TFPI: variants seen among roughly 807,000 people sequenced by gnomAD.
TFPI encodes the protein tissue factor pathway inhibitor.
TFPI carries 15 observed loss-of-function variants against 34.6 expected under a neutral mutation model. That is an observed-to-expected ratio of 0.43 (90% CI 0.29 to 0.67). TFPI has a LOEUF of 0.67. Among genes scored for constraint, TFPI ranks in the 30% least tolerant of loss-of-function variants. The pLI is 0.15. For synonymous variants in TFPI, 105 were observed against 120.1 expected (o/e 0.87, Z 0.82); for missense variants, 301 against 364.0 (o/e 0.83, Z 1.41).
intron 6 of TFPI, among the ~76,000 whole-genome samples, chr2:187,478,313 T>A (rs1692526123): frequency 6.6e-6 from 1 of 152,092 alleles, no homozygotes; most frequent in Non-Finnish European, 1.5e-5. Flanking sequence ...TGAGCCGAGA[T>A]CGCGCCATTG....
intron 2 of TFPI, chr2:187,499,358 G>T (rs1024955527): frequency 2.0e-5 from 3 of 152,008 alleles, no homozygotes; most frequent in African/African-American, 4.8e-5. Flanking sequence ...ATCGAAAAAT[G>T]TATGAACCAA....
chr2:187,524,194 A>T (rs1450645918), intron 1 of TFPI, among the ~76,000 whole-genome samples: 1 of 152,058 alleles, frequency 6.6e-6, no homozygotes, highest in Admixed American at 6.6e-5. Context: ...CTTATTATGA[A>T]TAATGCTGCT....
chr2:187,531,388 CATT>C (rs1012568716), intron 1 of TFPI, among the ~76,000 whole-genome samples: 44 of 152,218 alleles, frequency 2.9e-4, no homozygotes, highest in African/African-American at 6.5e-4. Flanking sequence ...GACAATGAAT[CATT>C]AAAATGTGAT....
chr2:187,469,067 A>C (rs190120391), intron 6 of TFPI, among the ~76,000 whole-genome samples: 2 of 152,228 alleles, frequency 1.3e-5, no homozygotes, highest in East Asian at 1.9e-4. Flanking sequence ...AAGAAAAGAA[A>C]TAAAACAAAG....
intron 2 of TFPI, among the ~76,000 whole-genome samples, chr2:187,500,669 T>A (rs538908577): frequency 6.6e-6 from 1 of 152,304 alleles, no homozygotes; most frequent in South Asian, 2.1e-4. Context: ...TGATTATTTG[T>A]CTTTATTCAC....
Position 187,467,907 on chromosome 2 carries a change from G to C in TFPI, c.654C>G (p.Leu218=), listed in dbSNP as rs1236390359. ...LFEFHGPSWC[L]TPADRGLCRA... ...GACACAATCCTCTGTCTGCTGGAGT[G>C]AGACACCATGAGGGACCGTGAAATT... Residue 218 remains leucine (L), a synonymous_variant, in exon 7 of 8, where the codon CTC becomes CTG. Transcript: ENST00000233156. The C allele has an allele frequency of 6.3e-7, 1 of 1,592,626 alleles. No homozygotes were observed. Among genetic ancestry groups the C allele is most frequent in the South Asian group, 1.2e-5 (1 of 86,724 alleles).
chr2:187,525,468 T>C (rs1354090550), intron 1 of TFPI, among the ~76,000 whole-genome samples: 2 of 152,080 alleles, frequency 1.3e-5, no homozygotes, highest in Non-Finnish European at 2.9e-5. Context: ...TCTTTCCCTC[T>C]CTCTTTCTCA....
Position 187,466,870 on chromosome 2 carries a change from A to G in TFPI, c.*66T>C. ...TAAAAGCATTTTAGAAGAAAAATAG[A>G]AAATCATAGTGAAACATTTCATATA... On this transcript the variant is annotated 3_prime_UTR_variant, in exon 8 of 8. Transcript: ENST00000233156. 1.1e-6 allele frequency: 1 copy of G among 926,438 alleles called. No homozygotes were observed. The highest frequency in any genetic ancestry group is 1.7e-5 in the South Asian group (1 of 59,580). 57.4% of individuals were successfully genotyped at this position (926,438 alleles called of 1,614,324 possible). A position where few individuals can be genotyped will look rare whatever the true frequency, so the allele number is the denominator to read the frequency against.
intron 6 of TFPI, among the ~76,000 whole-genome samples, chr2:187,471,716 G>A (rs1692045653): frequency 1.3e-5 from 2 of 151,444 alleles, no homozygotes; most frequent in South Asian, 4.2e-4. Context: ...CTGTAAGATG[G>A]TGCTCTAAAC....
At chr2:187,480,613 A>G (rs1692782309) in intron 6 of TFPI, among the ~76,000 whole-genome samples, 1 of 152,102 alleles carries the variant, frequency 6.6e-6, no homozygotes, top group Non-Finnish European at 1.5e-5. Context: ...GATGGCTTTC[A>G]GTTCTAGCGT....
At chr2:187,495,599 A>C (rs1051050724) in intron 3 of TFPI, among the ~76,000 whole-genome samples, 6 of 152,188 alleles carry the variant, frequency 3.9e-5, no homozygotes, top group African/African-American at 1.4e-4. Context: ...GGGAGCATAC[A>C]ACTAAACATC....
chr2:187,480,666 A>G (rs1304493289), intron 6 of TFPI, among the ~76,000 whole-genome samples: 1 of 152,132 alleles, frequency 6.6e-6, no homozygotes, highest in Non-Finnish European at 1.5e-5. Context: ...TGCTTTAGAA[A>G]TATTTCAGGT....
intron 1 of TFPI, among the ~76,000 whole-genome samples, chr2:187,525,042 T>G (rs1487897925): frequency 1.3e-5 from 2 of 152,032 alleles, no homozygotes; most frequent in African/African-American, 4.8e-5. Flanking sequence ...GAGAGGTCAA[T>G]GTTCTGTATT....
chr2:187,542,691 A>G (rs1184194732), intron 1 of TFPI, among the ~76,000 whole-genome samples: 2 of 152,000 alleles, frequency 1.3e-5, no homozygotes, highest in African/African-American at 4.8e-5. Flanking sequence ...AACATGGTGA[A>G]ACCTCTCTCT....
chr2:187,545,835 C>A (rs1688829456), intron 1 of TFPI, among the ~76,000 whole-genome samples: 1 of 151,870 alleles, frequency 6.6e-6, no homozygotes, highest in Non-Finnish European at 1.5e-5. Context: ...AAAACAAAAT[C>A]ATTTTTGGTG....
chr2:187,509,818 G>T (rs527792465), intron 1 of TFPI, among the ~76,000 whole-genome samples: 2 of 151,896 alleles, frequency 1.3e-5, no homozygotes, highest in African/African-American at 4.8e-5. Context: ...GATCTTAGTT[G>T]TCAGATATAA....
chr2:187,467,057 G>T lies in TFPI; in HGVS notation c.809-15C>A. On this transcript the variant is annotated splice_polypyrimidine_tract_variant and intron_variant, in intron 7 of 7. Transcript: ENST00000233156. ...TTGGATGAAACCTATAAGAGGAAGA[G>T]GAATAAATTAATGTGTGATAAAATA... is the stretch of plus-strand genomic sequence containing the variant. 1.4e-6 allele frequency: 2 copies of T among 1,446,754 alleles called. No homozygotes were observed. The highest frequency in any genetic ancestry group is 1.3e-5 in the South Asian group (1 of 79,716). The allele number at this position is 1,446,754 out of a possible 1,614,324, so 89.6% of individuals were successfully genotyped here. A position where few individuals can be genotyped will look rare whatever the true frequency, so the allele number is the denominator to read the frequency against.
chr2:187,490,478 TA>T (rs1685043646), intron 3 of TFPI, among the ~76,000 whole-genome samples: 1 of 151,714 alleles, frequency 6.6e-6, no homozygotes, highest in Non-Finnish European at 1.5e-5. Context: ...ACCCCCATTA[TA>T]AATATCTTTC....
chr2:187,512,724 C>A (rs1311383500), intron 1 of TFPI, among the ~76,000 whole-genome samples: 1 of 151,798 alleles, frequency 6.6e-6, no homozygotes, highest in Non-Finnish European at 1.5e-5. Context: ...TAAAGGAAGT[C>A]CACTTTGGAA....
Sources: allele counts gnomAD v4.1 joint callset (sites outside exome capture counted in the v4.1 genomes callset), GRCh38; gene constraint gnomAD v4.1.1; transcripts MANE v1.5; gene names NCBI Gene and HGNC (gene_info 2026-07-23, HGNC 2026-07-21).